The following MYT1L variants were observed in gnomAD, a reference collection of about 807,000 sequenced individuals.
MYT1L encodes myelin transcription factor 1 like.
Under a neutral mutation model 126.7 loss-of-function variants are expected in MYT1L, and 12 were observed. The ratio of observed to expected loss-of-function variants is 0.09; its 90% CI spans 0.06 to 0.15. The LOEUF (loss-of-function observed/expected upper bound fraction) is 0.15. Ranked by LOEUF, MYT1L falls within the 10% of genes least tolerant of loss-of-function variation. The probability of loss-of-function intolerance (pLI) is 1.00; values close to 1 mark genes in which losing one functional copy is unlikely to be tolerated. For synonymous variants in MYT1L, 541 were observed against 604.2 expected (o/e 0.90, Z 1.53); for missense variants, 979 against 1,585.2 (o/e 0.62, Z 6.49).
chr2:1,827,237 GATGGAA>G (rs2039489028), intron 21 of MYT1L: 1 of 152,276 alleles, frequency 6.6e-6, no homozygotes, highest in African/African-American at 2.4e-5. Flanking sequence ...TTCAGCCCTG[GATGGAA>G]ATGCTCTCTG....
intron 3 of MYT1L, among the ~76,000 whole-genome samples, chr2:2,134,240 A>G (rs1168964271): frequency 3.9e-5 from 6 of 152,054 alleles, no homozygotes; most frequent in Non-Finnish European, 7.4e-5. Flanking sequence ...TGTTTCTTAC[A>G]TCTCCCTACC....
At chr2:2,025,565 G>A (rs2065457626) in intron 4 of MYT1L, among the ~76,000 whole-genome samples, 1 of 152,212 alleles carries the variant, frequency 6.6e-6, no homozygotes, top group Non-Finnish European at 1.5e-5. Flanking sequence ...CCCCTCCACT[G>A]GAATAGTGTA....
intron 3 of MYT1L, among the ~76,000 whole-genome samples, chr2:2,107,542 T>C (rs1466298061): frequency 1.3e-5 from 2 of 152,146 alleles, no homozygotes; most frequent in African/African-American, 4.8e-5. Flanking sequence ...TCAGAGCCAT[T>C]GATCCCGAAA....
chr2:2,008,969 C>T (rs1558724154), intron 4 of MYT1L, among the ~76,000 whole-genome samples: 1 of 152,130 alleles, frequency 6.6e-6, no homozygotes, highest in African/African-American at 2.4e-5. Context: ...CTCTTGGTGA[C>T]CTTGTCAAAA....
At chr2:2,152,161 G>GA (rs1333998880) in intron 3 of MYT1L, among the ~76,000 whole-genome samples, 1 of 152,258 alleles carries the variant, frequency 6.6e-6, no homozygotes, top group Non-Finnish European at 1.5e-5. Context: ...AAATAAGGAT[G>GA]ATTTGAACAC....
At chr2:1,914,772 C>G (rs1377806388) in intron 11 of MYT1L, among the ~76,000 whole-genome samples, 7 of 152,224 alleles carry the variant, frequency 4.6e-5, no homozygotes, top group Non-Finnish European at 1.0e-4. Context: ...CGTGTGCTGC[C>G]CTCCACAGCC....
intron 2 of MYT1L, among the ~76,000 whole-genome samples, chr2:2,190,552 T>C (rs1258983798): frequency 8.6e-6 from 1 of 116,766 alleles, no homozygotes; most frequent in East Asian, 2.4e-4. Flanking sequence ...GAGCAAGACC[T>C]GTTAAAAAAA....
intron 1 of MYT1L, among the ~76,000 whole-genome samples, chr2:2,329,614 G>A (rs760437019): frequency 6.6e-6 from 1 of 151,986 alleles, no homozygotes; most frequent in Non-Finnish European, 1.5e-5. Context: ...AAGAAATATG[G>A]CTGATTAAAA....
chr2:2,238,959 G>T (rs1380142708), intron 2 of MYT1L, among the ~76,000 whole-genome samples: 1 of 152,180 alleles, frequency 6.6e-6, no homozygotes, highest in Non-Finnish European at 1.5e-5. Flanking sequence ...TGCACAAAGA[G>T]TGAGAACTGG....
intron 2 of MYT1L, among the ~76,000 whole-genome samples, chr2:2,234,314 A>G (rs1382991937): frequency 1.3e-5 from 2 of 152,246 alleles, no homozygotes; most frequent in Non-Finnish European, 2.9e-5. Context: ...ATCATAAAAA[A>G]GAAAGGCCCT....
chr2:1,828,369 C>T (rs1285394346), intron 21 of MYT1L: 1 of 152,158 alleles, frequency 6.6e-6, no homozygotes, highest in Non-Finnish European at 1.5e-5. Context: ...TGTTAGGTGA[C>T]ACTGTGGGGT....
intron 21 of MYT1L, among the ~76,000 whole-genome samples, chr2:1,814,026 CCAA>C (rs1558633820): frequency 3.4e-5 from 3 of 88,388 alleles, no homozygotes; most frequent in Non-Finnish European, 7.0e-5. Flanking sequence ...GACTCCGTCC[CCAA>C]AAAAAAAAAA....
chr2:1,833,014 C>T (rs572830127), intron 21 of MYT1L, among the ~76,000 whole-genome samples: 6 of 152,282 alleles, frequency 3.9e-5, no homozygotes, highest in Admixed American at 2.0e-4. Context: ...CTGTGTCGGC[C>T]GAATGAGATG....
chr2:1,966,374 A>G (rs995013014), intron 8 of MYT1L, among the ~76,000 whole-genome samples: 1 of 152,256 alleles, frequency 6.6e-6, no homozygotes, highest in African/African-American at 2.4e-5. Flanking sequence ...GTTTTGAATA[A>G]GAAGGAAGCA....
intron 4 of MYT1L, among the ~76,000 whole-genome samples, chr2:1,999,061 AC>A (rs1224038514): frequency 6.6e-6 from 1 of 152,180 alleles, no homozygotes; most frequent in East Asian, 1.9e-4. Flanking sequence ...ACCACTTACT[AC>A]TTCATGATTT....
intron 21 of MYT1L, among the ~76,000 whole-genome samples, chr2:1,810,332 G>T (rs1370230298): frequency 5.9e-5 from 9 of 152,042 alleles, no homozygotes; most frequent in Admixed American, 5.2e-4. Context: ...TAGAGACAGG[G>T]TTTCACCATA....
intron 2 of MYT1L, among the ~76,000 whole-genome samples, chr2:2,229,071 G>T (rs2094095711): frequency 6.6e-6 from 1 of 152,122 alleles, no homozygotes; most frequent in African/African-American, 2.4e-5. Flanking sequence ...ATCACTCTGT[G>T]TATACACATA....
chr2:1,971,005 T>C (rs1414441937), intron 8 of MYT1L, among the ~76,000 whole-genome samples: 2 of 152,118 alleles, frequency 1.3e-5, no homozygotes, highest in African/African-American at 4.8e-5. Context: ...TCTCCTTGAA[T>C]TGGAATTATT....
At chr2:1,998,746 G>A (rs1035189522) in intron 4 of MYT1L, among the ~76,000 whole-genome samples, 4 of 152,016 alleles carry the variant, frequency 2.6e-5, no homozygotes, top group Non-Finnish European at 5.9e-5. Context: ...CTTTGGATAC[G>A]ATAACTCCCC....
Sources: allele counts gnomAD v4.1 joint callset (sites outside exome capture counted in the v4.1 genomes callset), GRCh38; gene constraint gnomAD v4.1.1; transcripts MANE v1.5; gene names NCBI Gene and HGNC (gene_info 2026-07-23, HGNC 2026-07-21).